ERBIN: variants seen among roughly 807,000 people sequenced by gnomAD.
The protein encoded by ERBIN is erbb2 interacting protein, also known as densin-180-like protein.
A neutral mutation model predicts 158.4 loss-of-function variants in ERBIN; 60 were observed. The observed-to-expected ratio is 0.38, with a 90% CI of 0.31 to 0.47. ERBIN has a LOEUF of 0.47. ERBIN is among the 20% of genes least tolerant of loss of function. The pLI is 0.99. For synonymous variants in ERBIN, 594 were observed against 557.2 expected, an observed-to-expected ratio of 1.07 and a Z score of -0.93; for missense variants, 1,610 against 1,648.0, an observed-to-expected ratio of 0.98 and a Z score of 0.40.
chr5:65,938,846 C>T (rs918026390), intron 1 of ERBIN, among the ~76,000 whole-genome samples: 10 of 152,032 alleles, frequency 6.6e-5, no homozygotes, highest in Admixed American at 1.3e-4. Flanking sequence ...CCACCGCGCC[C>T]GGCCAGGACT....
At chr5:66,021,990 GA>G (rs1755744534) in intron 8 of ERBIN, among the ~76,000 whole-genome samples, 1 of 151,420 alleles carries the variant, frequency 6.6e-6, no homozygotes, top group East Asian at 1.9e-4. Context: ...TTTTGAAGAG[GA>G]ACTCATCCAG....
intron 12 of ERBIN, 96 bp downstream of exon 12, chr5:66,026,073 C>G: frequency 9.1e-7 from 1 of 1,097,528 alleles, no homozygotes. Flanking sequence ...TATTTTCTTT[C>G]TAAAATAGTT....
rs1021668645 is a variant in ERBIN at position 65,996,242 on chromosome 5, T to C, written c.307+1378T>C. ...TTTTCTCCTATTTTTTTTTTCCTAGTAGTTTTTTTTTTTTTTTTTTTTTAA... is the reference window on the plus strand; with the variant it reads ...TTTTCTCCTATTTTTTTTTTCCTAGCAGTTTTTTTTTTTTTTTTTTTTTAA... On this transcript the variant is annotated intron_variant, in intron 4 of 25. Coordinates refer to ENST00000284037, the MANE Select transcript of ERBIN (RefSeq NM_001253697.2). 3.2e-5 allele frequency among the ~76,000 whole-genome samples: 3 copies of C among 94,772 alleles called. No individual in the cohort carries two copies. The Admixed American group carries it at 3.5e-4, about 11-fold the overall frequency. The allele number at this position is 94,772 out of a possible 152,430, so 62.2% of individuals were successfully genotyped here.
At chr5:66,003,024 T>C (rs1397854529) in intron 4 of ERBIN, among the ~76,000 whole-genome samples, 3 of 152,242 alleles carry the variant, frequency 2.0e-5, no homozygotes, top group African/African-American at 7.2e-5. Context: ...TGCCCTACCA[T>C]AGCGTAGGCA....
chr5:65,951,752 T>C (rs542308734), intron 1 of ERBIN, among the ~76,000 whole-genome samples: 83 of 152,356 alleles, frequency 5.4e-4, no homozygotes, highest in Non-Finnish European at 1.0e-3. Context: ...GTTACAGTTA[T>C]AACAGCACAA....
At chr5:66,007,858 C>T (rs1485301407) in intron 4 of ERBIN, among the ~76,000 whole-genome samples, 1 of 152,138 alleles carries the variant, frequency 6.6e-6, no homozygotes. Flanking sequence ...AAATTCTTAG[C>T]AGCAGCTAAG....
In ERBIN at chr5:66,053,666, G is replaced by A; in HGVS notation, c.2348G>A (p.Arg783Lys). 1 of 1,613,806 alleles carries A rather than the reference G, an allele frequency of 6.2e-7. No homozygotes were observed. ...NDTFQPEIME[R>K]SKTQDIVLGT... ...ACATTTCAACCAGAGATCATGGAAA[G>A]ATCAAAAACACAGGATATTGTGCTT... The change falls in exon 21 of 26, where the codon AGA (arginine) becomes AAA (lysine). Residue 783 changes from arginine (R) to lysine (K), a missense_variant. This residue lies in a region of ERBIN where 1,014 missense variants were observed against 936.1 expected (regional missense o/e 1.08). Coordinates refer to ENST00000284037, the MANE Select transcript of ERBIN (RefSeq NM_001253697.2).
In ERBIN at chr5:66,076,965, C is replaced by CA; in HGVS notation, c.4131+16_4131+17insA. 1.6e-6 allele frequency: 2 copies of CA among 1,287,332 alleles called. No homozygotes were observed. Among genetic ancestry groups the CA allele is most frequent in the Non-Finnish European group, 2.1e-6 (2 of 932,094 alleles). The allele number at this position is 1,287,332 out of a possible 1,614,324, so 79.7% of individuals were successfully genotyped here. A position where few individuals can be genotyped will look rare whatever the true frequency, so the allele number is the denominator to read the frequency against. ...AATTATTCAGGTAATTAAAATAAAT[C>CA]TTTTTTTTTTTCATTTTATAACACT... On this transcript the variant is annotated intron_variant, in intron 25 of 25. Transcript: ENST00000284037.
chr5:66,057,102 A>G (rs1157514703), intron 21 of ERBIN, among the ~76,000 whole-genome samples: 1 of 152,214 alleles, frequency 6.6e-6, no homozygotes, highest in African/African-American at 2.4e-5. Context: ...TTAAATTTTT[A>G]AAGAATTACT....
rs916295523 is a variant in ERBIN, at chr5:66,082,244, T to A, written c.*3714T>A. On this transcript the variant is annotated 3_prime_UTR_variant, in exon 26 of 26. Transcript: ENST00000284037. ...TTTAGAGAAAACACCTGAAATTTTT[T>A]TTAAGAGAACAACCTAGGTTTTATT... The A allele has an allele frequency of 2.0e-5, 3 of 152,170 alleles. No homozygotes were observed. The highest frequency in any genetic ancestry group is 2.0e-4 in the Admixed American group (3 of 15,276). 9.4% of individuals were successfully genotyped at this position (152,170 alleles called of 1,614,324 possible).
chr5:66,016,061 A>G (rs1754680438), intron 7 of ERBIN, among the ~76,000 whole-genome samples: 1 of 152,158 alleles, frequency 6.6e-6, no homozygotes, highest in Non-Finnish European at 1.5e-5. Context: ...GTTTCCCTTG[A>G]TTATCTGTGA....
chr5:66,044,894 G>A (rs910689651), intron 17 of ERBIN, among the ~76,000 whole-genome samples: 5 of 151,556 alleles, frequency 3.3e-5, no homozygotes, highest in African/African-American at 1.2e-4. Flanking sequence ...TGATGAAGAT[G>A]GTGAGACTGT....
intron 14 of ERBIN, among the ~76,000 whole-genome samples, chr5:66,030,983 C>T (rs1307163640): frequency 6.6e-6 from 1 of 152,184 alleles, no homozygotes; most frequent in Non-Finnish European, 1.5e-5. Flanking sequence ...AGTGTTCTCT[C>T]ATTCTATTCT....
intron 16 of ERBIN, among the ~76,000 whole-genome samples, chr5:66,043,716 C>A (rs1758143287): frequency 6.6e-6 from 1 of 152,066 alleles, no homozygotes; most frequent in African/African-American, 2.4e-5. Context: ...CTTATACAAA[C>A]TTAGCTGAAT....
intron 4 of ERBIN, among the ~76,000 whole-genome samples, chr5:66,000,466 C>G (rs972618667): frequency 3.3e-5 from 5 of 152,060 alleles, no homozygotes. Context: ...TTTGTTGTTG[C>G]TTCTACTATA....
rs548244955 is a variant in ERBIN at position 66,005,061 on chromosome 5, T to A, written c.308-6988T>A. On this transcript the variant is annotated intron_variant, in intron 4 of 25. Coordinates refer to ENST00000284037, the MANE Select transcript of ERBIN (RefSeq NM_001253697.2). Reference sequence around the variant, plus strand: ...TAGATAATTCAGAGCATGATGTGACTTGTGTTTAAGTTTAATCTGTCTATA... The same window carrying A: ...TAGATAATTCAGAGCATGATGTGACATGTGTTTAAGTTTAATCTGTCTATA... Among the ~76,000 whole-genome samples the A allele has an allele frequency of 9.9e-5, 15 of 152,096 alleles. No individual in the cohort carries two copies. The Middle Eastern group carries it at 0.01, about 103-fold the overall frequency.
intron 1 of ERBIN, among the ~76,000 whole-genome samples, chr5:65,967,139 C>G (rs1183994615): frequency 6.6e-6 from 1 of 151,748 alleles, no homozygotes; most frequent in African/African-American, 2.4e-5. Flanking sequence ...GTTAGCTGTA[C>G]AGTGTGTTTG....
At chr5:65,947,705 C>G (rs561036261) in intron 1 of ERBIN, among the ~76,000 whole-genome samples, 4 of 152,178 alleles carry the variant, frequency 2.6e-5, no homozygotes, top group African/African-American at 9.6e-5. Context: ...AAATATTTTT[C>G]TTGCATTAAA....
chr5:65,993,662 C>A (rs1752122570), intron 3 of ERBIN, among the ~76,000 whole-genome samples: 1 of 151,846 alleles, frequency 6.6e-6, no homozygotes, highest in Non-Finnish European at 1.5e-5. Flanking sequence ...TTTTTGAAAC[C>A]GTGCGTGGAG....
Sources: allele counts gnomAD v4.1 joint callset (sites outside exome capture counted in the v4.1 genomes callset), GRCh38; gene constraint gnomAD v4.1.1; regional missense constraint gnomAD v4.1.1; transcripts MANE v1.5; gene names NCBI Gene and HGNC (gene_info 2026-07-23, HGNC 2026-07-21).